IQUB: variants seen among roughly 807,000 people sequenced by gnomAD.
The protein encoded by IQUB is IQ motif and ubiquitin-like domain-containing protein.
IQUB carries 86 observed loss-of-function variants against 86.4 expected under a neutral mutation model. That is an observed-to-expected ratio of 1.00 (90% confidence interval 0.84 to 1.19). The LOEUF is 1.19. Ranked by LOEUF, IQUB falls within the 50% of genes most tolerant of loss-of-function variation. IQUB has a pLI of 0.00. For missense variants in IQUB, 946 were observed against 916.9 expected (o/e 1.03, Z -0.41); for synonymous variants, 289 against 304.5 (o/e 0.95, Z 0.53).
At chr7:123,457,239 A>T in intron 12 of IQUB, 142 bp downstream of exon 12, 4 of 1,417,970 alleles carry the variant, frequency 2.8e-6, no homozygotes, top group Non-Finnish European at 1.8e-6. Context: ...CCATCCATAA[A>T]TTTTTTTGTT....
At position 123,457,193 on chromosome 7, in the gene IQUB, T is replaced by C. The variant is rs1049640716; in HGVS notation, c.2193+188A>G. 4 of 968,332 alleles carry C rather than the reference T, an allele frequency of 4.1e-6. No individual in the cohort carries two copies. The African/African-American group carries it at 7.0e-5, about 17-fold the overall frequency. 60.0% of individuals were successfully genotyped at this position (968,332 alleles called of 1,614,324 possible). On this transcript the variant is annotated intron_variant, in intron 12 of 12. Transcript: ENST00000324698. ...AGGACTTGTAATATGTTCAAATCTC[T>C]TATATATACCTTTTATTTAATCTGT...
At chr7:123,482,779 T>C (rs1393788459) in intron 7 of IQUB, among the ~76,000 whole-genome samples, 1 of 152,088 alleles carries the variant, frequency 6.6e-6, no homozygotes, top group Non-Finnish European at 1.5e-5. Context: ...GCATGTCTTC[T>C]GGGTACTTTG....
Position 123,469,396 on chromosome 7 carries a change from T to C in IQUB, c.1411-12A>G, listed in dbSNP as rs1794423787. ...TTTGGAGCTGAACACTTAAAAATAA[T>C]ATTATGTTTATAATTATCAGTTAAT... On this transcript the variant is annotated splice_polypyrimidine_tract_variant and intron_variant, in intron 8 of 12. Transcript: ENST00000324698. 2 of 1,481,544 alleles carry C rather than the reference T, an allele frequency of 1.3e-6. No homozygotes were observed. Among genetic ancestry groups the C allele is most frequent in the Non-Finnish European group, 1.8e-6 (2 of 1,097,018 alleles). The allele number at this position is 1,481,544 out of a possible 1,614,324, so 91.8% of individuals were successfully genotyped here.
At chr7:123,523,112 A>G (rs1171265458) in intron 1 of IQUB, among the ~76,000 whole-genome samples, 1 of 151,776 alleles carries the variant, frequency 6.6e-6, no homozygotes, top group Non-Finnish European at 1.5e-5. Context: ...ATTGTTGGAC[A>G]TTTGGGTTGG....
chr7:123,497,608 TTTTA>T (rs1302852759), intron 6 of IQUB, among the ~76,000 whole-genome samples: 35 of 152,126 alleles, frequency 2.3e-4, no homozygotes, highest in African/African-American at 8.2e-4. Context: ...GAGTTTATAA[TTTTA>T]TTTATTAAAC....
intron 11 of IQUB, among the ~76,000 whole-genome samples, chr7:123,458,775 T>C (rs1439218024): frequency 1.3e-5 from 2 of 152,012 alleles, no homozygotes; most frequent in African/African-American, 4.8e-5. Context: ...GTAGTCATTG[T>C]ACTTGAAATT....
chr7:123,502,506 A>G (rs1795988787), intron 6 of IQUB, 91 bp downstream of exon 6: 1 of 1,151,378 alleles, frequency 8.7e-7, no homozygotes. Context: ...TTCTTTCTCA[A>G]GCAAATGTGG....
At position 123,511,934 on chromosome 7, in the gene IQUB, T is replaced by C. The variant is rs371234567; in HGVS notation, c.397+10A>G. ...AGAAAATGAAATAGCCTATCTTCCTTAGGTAGTACCTGTTGCTAGAGAATC... is the reference window on the plus strand; with the variant it reads ...AGAAAATGAAATAGCCTATCTTCCTCAGGTAGTACCTGTTGCTAGAGAATC... On this transcript the variant is annotated intron_variant, in intron 2 of 12. Coordinates refer to ENST00000324698, the MANE Select transcript of IQUB (RefSeq NM_178827.5). 25 of 1,573,560 alleles carry C rather than the reference T, an allele frequency of 1.6e-5. No individual in the cohort carries two copies. The African/African-American group carries it at 2.7e-4, about 17-fold the overall frequency.
At chr7:123,495,297 G>T (rs933729551) in intron 7 of IQUB, among the ~76,000 whole-genome samples, 2 of 151,840 alleles carry the variant, frequency 1.3e-5, no homozygotes, top group Non-Finnish European at 2.9e-5. Context: ...CAATTTTTAC[G>T]TTACCAGGAA....
chr7:123,511,603 T>C (rs1385778155), intron 2 of IQUB, among the ~76,000 whole-genome samples: 1 of 152,174 alleles, frequency 6.6e-6, no homozygotes, highest in African/African-American at 2.4e-5. Flanking sequence ...TAATTCCAAA[T>C]TGGCATGTAA....
At chr7:123,460,758 C>T (rs145333876) in intron 11 of IQUB, among the ~76,000 whole-genome samples, 2 of 151,860 alleles carry the variant, frequency 1.3e-5, no homozygotes, top group African/African-American at 2.4e-5. Flanking sequence ...CCAAAGAGAC[C>T]GAAGTAGTGG....
intron 9 of IQUB, among the ~76,000 whole-genome samples, chr7:123,466,193 A>C (rs1794253781): frequency 6.6e-6 from 1 of 152,142 alleles, no homozygotes; most frequent in Non-Finnish European, 1.5e-5. Flanking sequence ...GCAGCCATAA[A>C]TGAATAGAGT....
At chr7:123,509,203 G>T (rs1429894137) in intron 3 of IQUB, among the ~76,000 whole-genome samples, 2 of 152,116 alleles carry the variant, frequency 1.3e-5, no homozygotes, top group Non-Finnish European at 2.9e-5. Context: ...ATTTAGGTAT[G>T]TTAGTCTGAT....
intron 1 of IQUB, among the ~76,000 whole-genome samples, chr7:123,529,262 GA>G (rs1014734380): frequency 6.6e-6 from 1 of 151,814 alleles, no homozygotes; most frequent in African/African-American, 2.4e-5. Context: ...ATTTGTTTAT[GA>G]TCATATCAAT....
At chr7:123,518,811 C>T (rs1270198951) in intron 1 of IQUB, among the ~76,000 whole-genome samples, 1 of 152,116 alleles carries the variant, frequency 6.6e-6, no homozygotes, top group Non-Finnish European at 1.5e-5. Context: ...CCAGGCTGGT[C>T]TCAAACTCCT....
In IQUB at chr7:123,503,282, G is replaced by A. The variant is rs1796032019; in HGVS notation, c.614C>T (p.Thr205Ile). The A allele has an allele frequency of 6.2e-7, 1 of 1,606,404 alleles. No homozygotes were observed. Reference sequence around the variant, plus strand: ...TCTGACTGGATACAGATCTGGATTTGTAGAAAAGATTTCCACTTGTACAAT... The same window carrying A: ...TCTGACTGGATACAGATCTGGATTTATAGAAAAGATTTCCACTTGTACAAT... ...QEIVQVEIFS[T>I]NPDLYPVRRI... The change falls in exon 4 of 13, where the codon ACA (threonine) becomes ATA (isoleucine). Residue 205 changes from threonine to isoleucine, a missense_variant. Thr to Ile is a moderately conservative substitution (Grantham distance 89). Transcript: ENST00000324698.
intron 12 of IQUB, among the ~76,000 whole-genome samples, chr7:123,455,010 A>ATCTCCTTAAGAGTGGAGAGTATC (rs1793624857): frequency 6.6e-6 from 1 of 152,158 alleles, no homozygotes; most frequent in Non-Finnish European, 1.5e-5. Flanking sequence ...GTTATTCTCC[A>ATCTCCTTAAGAGTGGAGAGTATC]TCTCCTTAAG....
At chr7:123,505,282 C>G (rs1236772978) in intron 3 of IQUB, among the ~76,000 whole-genome samples, 1 of 152,208 alleles carries the variant, frequency 6.6e-6, no homozygotes, top group African/African-American at 2.4e-5. Flanking sequence ...GCTAATGGAT[C>G]TACCATTCTG....
intron 1 of IQUB, among the ~76,000 whole-genome samples, chr7:123,528,325 C>T (rs961312623): frequency 5.9e-5 from 9 of 152,306 alleles, no homozygotes; most frequent in Non-Finnish European, 1.2e-4. Context: ...CCTATTTGGA[C>T]ATCTTGACTC....
Sources: allele counts gnomAD v4.1 joint callset (sites outside exome capture counted in the v4.1 genomes callset), GRCh38; gene constraint gnomAD v4.1.1; transcripts MANE v1.5; gene names NCBI Gene and HGNC (gene_info 2026-07-23, HGNC 2026-07-21).